ZRANB1: variants seen among roughly 807,000 people sequenced by gnomAD.
ZRANB1 encodes the protein ubiquitin thioesterase ZRANB1.
A neutral mutation model predicts 80.5 loss-of-function variants in ZRANB1; 16 were observed. The ratio of observed to expected loss-of-function variants is 0.20; its 90% confidence interval spans 0.13 to 0.30. ZRANB1 has a LOEUF of 0.30. Among genes scored for constraint, ZRANB1 ranks in the 10% least tolerant of loss-of-function variants. The pLI, the probability that ZRANB1 is intolerant of heterozygous loss-of-function variation, is 1.00. For missense variants in ZRANB1, 576 were observed against 862.6 expected, an observed-to-expected ratio of 0.67 and a Z score of 4.16; for synonymous variants, 291 against 293.1, an observed-to-expected ratio of 0.99 and a Z score of 0.07.
chr10:124,932,703 T>C, the ZRANB1 span, among the ~76,000 whole-genome samples: 2 of 151,570 alleles, frequency 1.3e-5, no homozygotes, highest in South Asian at 4.2e-4. Flanking sequence ...TGTTTTAATT[T>C]GTAATTACCT....
the ZRANB1 span, among the ~76,000 whole-genome samples, chr10:124,923,935 T>G: frequency 2.6e-4 from 39 of 147,174 alleles, no homozygotes; most frequent in African/African-American, 9.8e-4. Flanking sequence ...AGACCCTATC[T>G]CTTACCAAAA....
chr10:124,925,509 GT>G, the ZRANB1 span, among the ~76,000 whole-genome samples: 3 of 152,112 alleles, frequency 2.0e-5, no homozygotes, highest in Non-Finnish European at 4.4e-5. Context: ...TTCCCTTCCT[GT>G]ATTTGCAAAT....
In ZRANB1 at chr10:124,987,520, T is replaced by C. The variant is rs1589863157; in HGVS notation, c.*2528T>C. On this transcript the variant is annotated 3_prime_UTR_variant, in exon 9 of 9. Coordinates refer to ENST00000359653, the MANE Select transcript of ZRANB1 (RefSeq NM_017580.3). ...ATTCGTGAAGGTAAGATATTCTGTG[T>C]GCGCTTGGCCTCCTTTTCACGCATA... The C allele has an allele frequency of 1.3e-5, 2 of 152,350 alleles. No individual in the cohort carries two copies. Among genetic ancestry groups the C allele is most frequent in the East Asian group, 3.9e-4 (2 of 5,184 alleles). The allele number at this position is 152,350 out of a possible 1,614,324, so 9.4% of individuals were successfully genotyped here. A position where few individuals can be genotyped will look rare whatever the true frequency, so the allele number is the denominator to read the frequency against.
At chr10:124,932,049 T>C in the ZRANB1 span, among the ~76,000 whole-genome samples, 2 of 152,238 alleles carry the variant, frequency 1.3e-5, no homozygotes, top group Non-Finnish European at 2.9e-5. Flanking sequence ...GAATGTCATA[T>C]AGTTGGAATC....
At chr10:124,971,487 C>G (rs757761324) in intron 2 of ZRANB1, among the ~76,000 whole-genome samples, 1 of 152,202 alleles carries the variant, frequency 6.6e-6, no homozygotes, top group Non-Finnish European at 1.5e-5. Context: ...TCAGTGGGAA[C>G]TAACCCTTTA....
In ZRANB1 at chr10:124,981,764, C is replaced by T; in HGVS notation, c.1483C>T (p.His495Tyr). Residue 495 changes from histidine to tyrosine, a missense_variant, in exon 6 of 9, where the codon CAT (histidine) becomes TAT (tyrosine). Coordinates refer to ENST00000359653, the MANE Select transcript of ZRANB1 (RefSeq NM_017580.3). Reference protein sequence around the residue: ...ESWYSQSFGLHFSLREEQWQE... With the variant: ...ESWYSQSFGLYFSLREEQWQE... ...ATGGTATTCTCAGAGCTTTGGTTTA[C>T]ATTTTTCCTTGAGAGAAGAACAGTG... The T allele has an allele frequency of 6.2e-7, 1 of 1,613,794 alleles. No homozygotes were observed. Among genetic ancestry groups the T allele is most frequent in the Non-Finnish European group, 8.5e-7 (1 of 1,179,858 alleles).
the ZRANB1 span, among the ~76,000 whole-genome samples, chr10:124,935,573 C>G: frequency 6.6e-6 from 1 of 152,194 alleles, no homozygotes; most frequent in East Asian, 1.9e-4. Context: ...GTGGCTCTGC[C>G]ACCAACTGTG....
In ZRANB1 at chr10:124,943,144, T is replaced by A; in HGVS notation, c.651T>A (p.Pro217=). 1.9e-6 allele frequency: 3 copies of A among 1,614,204 alleles called. No homozygotes were observed. Among genetic ancestry groups the A allele is most frequent in the South Asian group, 1.1e-5 (1 of 91,088 alleles). The change falls in exon 1 of 9, where the codon CCT becomes CCA. Residue 217 remains proline, a synonymous_variant. Transcript: ENST00000359653. ...GTGGTAATAGCCAAAGGAGATCACC[T>A]CCTGCTACGAAGCGGGACTCTGAAG... ...CSSGNSQRRS[P]PATKRDSEVK...
chr10:124,930,572 A>G, the ZRANB1 span, among the ~76,000 whole-genome samples: 11 of 152,296 alleles, frequency 7.2e-5, no homozygotes, highest in East Asian at 1.7e-3. Flanking sequence ...GACCTGGTAC[A>G]TTTTCATATA....
At chr10:124,979,131 A>T (rs1458687864) in intron 5 of ZRANB1, among the ~76,000 whole-genome samples, 1 of 152,182 alleles carries the variant, frequency 6.6e-6, no homozygotes, top group African/African-American at 2.4e-5. Context: ...ATTTGAAGAA[A>T]TTGGAATCTT....
At chr10:124,949,663 A>G (rs1307478009) in intron 1 of ZRANB1, among the ~76,000 whole-genome samples, 6 of 151,910 alleles carry the variant, frequency 3.9e-5, no homozygotes, top group Non-Finnish European at 8.8e-5. Flanking sequence ...CTGGGCGTAC[A>G]GGTGTATACC....
intron 2 of ZRANB1, 34 bp from the exon 3 acceptor site, chr10:124,971,931 A>G: frequency 1.3e-6 from 2 of 1,533,146 alleles, no homozygotes; most frequent in Non-Finnish European, 8.8e-7. Context: ...CTTATGATAC[A>G]TGAGATGAGA....
At chr10:124,927,242 A>C in the ZRANB1 span, among the ~76,000 whole-genome samples, 1 of 152,224 alleles carries the variant, frequency 6.6e-6, no homozygotes, top group Non-Finnish European at 1.5e-5. Flanking sequence ...GGCGTGAGCC[A>C]CCGCGCCCGG....
the ZRANB1 span, among the ~76,000 whole-genome samples, chr10:124,934,682 C>A: frequency 2.0e-5 from 3 of 152,134 alleles, no homozygotes; most frequent in Non-Finnish European, 4.4e-5. Context: ...ACTTGTTAAA[C>A]CTTCAAATTG....
At chr10:124,957,950 G>A (rs1217891925) in intron 1 of ZRANB1, among the ~76,000 whole-genome samples, 1 of 151,980 alleles carries the variant, frequency 6.6e-6, no homozygotes, top group African/African-American at 2.4e-5. Context: ...GGCTGGTCTC[G>A]AACTCCTGGC....
intron 1 of ZRANB1, among the ~76,000 whole-genome samples, chr10:124,953,980 T>G (rs1033276079): frequency 6.6e-6 from 1 of 151,886 alleles, no homozygotes; most frequent in Admixed American, 6.6e-5. Flanking sequence ...TTCTTTTTTT[T>G]CTGGAGACAG....
chr10:124,943,296 A>C lies in ZRANB1; in HGVS notation c.803A>C (p.Asn268Thr), dbSNP rs150163191. The C allele has an allele frequency of 6.2e-7, 1 of 1,611,904 alleles. No homozygotes were observed. The highest frequency in any genetic ancestry group is 1.7e-5 in the Admixed American group (1 of 59,766). ...RMKKTDWLFL[N>T]ACVGVVEGDL... ...AAAAAGACTGATTGGCTCTTCCTCAATGCTTGTGTGGGTAAGTTTCTGTAT... is the reference window on the plus strand; with the variant it reads ...AAAAAGACTGATTGGCTCTTCCTCACTGCTTGTGTGGGTAAGTTTCTGTAT... The change falls in exon 1 of 9, where the codon AAT (asparagine) becomes ACT (threonine). Residue 268 changes from asparagine (N) to threonine (T), a missense_variant. Around this residue, in one of 3 missense-constraint regions of ZRANB1, gnomAD observed 411 missense variants for 583.1 expected, o/e 0.70. Coordinates refer to ENST00000359653, the MANE Select transcript of ZRANB1 (RefSeq NM_017580.3).
chr10:124,923,902 C>T, the ZRANB1 span, among the ~76,000 whole-genome samples: 1 of 151,738 alleles, frequency 6.6e-6, no homozygotes, highest in South Asian at 2.1e-4. Context: ...CAGAGCCAAA[C>T]CATATAACTG....
intron 5 of ZRANB1, among the ~76,000 whole-genome samples, chr10:124,977,782 A>G (rs1421417347): frequency 6.6e-6 from 1 of 151,136 alleles, no homozygotes. Flanking sequence ...AATAGGCTAG[A>G]TAGGGAGTGG....
Sources: gnomAD v4.1 joint callset for allele counts (sites outside exome capture counted in the v4.1 genomes callset) on GRCh38, gnomAD v4.1.1 for gene constraint, gnomAD v4.1.1 regional missense constraint, MANE v1.5 for transcripts, NCBI Gene and HGNC (gene_info 2026-07-23, HGNC 2026-07-21) for gene names.